The following SNAP23 variants were observed in gnomAD, a reference collection of about 807,000 sequenced individuals.
The protein encoded by SNAP23 is synaptosomal-associated protein 23.
A neutral mutation model predicts 29.0 loss-of-function variants in SNAP23; 11 were observed. That is an observed-to-expected ratio of 0.38 (90% confidence interval 0.24 to 0.63). SNAP23 has a LOEUF of 0.63. Among genes scored for constraint, SNAP23 ranks in the 20% least tolerant of loss-of-function variants. The pLI is 0.58. For missense variants in SNAP23, 220 were observed against 253.9 expected (o/e 0.87, Z 0.91); for synonymous variants, 60 against 82.9 (o/e 0.72, Z 1.50).
intron 1 of SNAP23, among the ~76,000 whole-genome samples, chr15:42,497,861 T>G (rs2057235264): frequency 6.6e-6 from 1 of 152,224 alleles, no homozygotes; most frequent in Admixed American, 6.5e-5. Flanking sequence ...CATTGGTAAA[T>G]GCTCCCATTC....
At chr15:42,521,914 A>C (rs2057452781) in intron 5 of SNAP23, 1 of 369,188 alleles carries the variant, frequency 2.7e-6, no homozygotes, top group Non-Finnish European at 4.8e-6. Context: ...TTGCTAAATA[A>C]CATTTAAGAT....
At chr15:42,497,379 T>G (rs1259994300) in intron 1 of SNAP23, among the ~76,000 whole-genome samples, 1 of 152,020 alleles carries the variant, frequency 6.6e-6, no homozygotes, top group African/African-American at 2.4e-5. Flanking sequence ...TGGCTAATTT[T>G]TGTATTTTTA....
rs1384767600 is a variant in SNAP23 at position 42,495,705 on chromosome 15, G to A, written c.-23G>A. On this transcript the variant is annotated 5_prime_UTR_variant, in exon 1 of 8. Coordinates refer to ENST00000249647, the MANE Select transcript of SNAP23 (RefSeq NM_003825.4). ...GTTGCCGCCGGAGAGGAGTGGCCTCGCCCGCTTGGTGAGTCTCCAGGAGTG... is the reference window on the plus strand; with the variant it reads ...GTTGCCGCCGGAGAGGAGTGGCCTCACCCGCTTGGTGAGTCTCCAGGAGTG... 1 of 152,758 alleles carries A rather than the reference G, an allele frequency of 6.5e-6. No individual in the cohort carries two copies. Among genetic ancestry groups the A allele is most frequent in the African/African-American group, 2.4e-5 (1 of 41,590 alleles). The allele number at this position is 152,758 out of a possible 1,614,324, so 9.5% of individuals were successfully genotyped here. A position where few individuals can be genotyped will look rare whatever the true frequency, so the allele number is the denominator to read the frequency against.
chr15:42,511,523 GC>G (rs1238148641), intron 1 of SNAP23, among the ~76,000 whole-genome samples: 2 of 152,126 alleles, frequency 1.3e-5, no homozygotes, highest in African/African-American at 4.8e-5. Flanking sequence ...GTCTTTTAAT[GC>G]TTGTCTTCCA....
At chr15:42,493,368 A>C (rs1221046036), upstream of SNAP23, among the ~76,000 whole-genome samples, 1 of 151,834 alleles carries the variant, frequency 6.6e-6, no homozygotes, top group African/African-American at 2.4e-5. Context: ...ATATATATAC[A>C]TATATGTGTG....
chr15:42,496,430 C>A (rs550032113), intron 1 of SNAP23, among the ~76,000 whole-genome samples: 103 of 151,822 alleles, frequency 6.8e-4, no homozygotes, highest in Middle Eastern at 3.4e-3. Flanking sequence ...TAAAGAAGTA[C>A]CCAAGGCCGG....
chr15:42,512,580 T>C (rs1302496153), intron 2 of SNAP23, among the ~76,000 whole-genome samples: 1 of 152,098 alleles, frequency 6.6e-6, no homozygotes, highest in African/African-American at 2.4e-5. Context: ...GGTTTCACCT[T>C]GTTGGGCAGG....
chr15:42,510,451 G>T (rs1183465065), intron 1 of SNAP23, among the ~76,000 whole-genome samples: 1 of 152,152 alleles, frequency 6.6e-6, no homozygotes, highest in Non-Finnish European at 1.5e-5. Context: ...TGACTGAAAA[G>T]ATTTATATGT....
intron 5 of SNAP23, among the ~76,000 whole-genome samples, chr15:42,522,384 CTA>C (rs536836388): frequency 1.5e-3 from 223 of 152,266 alleles, no homozygotes; most frequent in African/African-American, 5.0e-3. Flanking sequence ...ACAAAACTAA[CTA>C]ATATTAATTT....
intron 5 of SNAP23, among the ~76,000 whole-genome samples, chr15:42,519,990 A>C (rs2057429851): frequency 6.6e-6 from 1 of 150,648 alleles, no homozygotes; most frequent in Non-Finnish European, 1.5e-5. Context: ...TTTTACATCC[A>C]GGCTACACTA....
intron 5 of SNAP23, among the ~76,000 whole-genome samples, chr15:42,525,367 CAAAAAAA>C (rs1208171591): frequency 3.3e-5 from 2 of 60,386 alleles, no homozygotes; most frequent in Non-Finnish European, 7.1e-5. Context: ...GACTCCGTCT[CAAAAAAA>C]AAAAAAAAAA....
At chr15:42,527,151 T>A (rs1398531004) in intron 5 of SNAP23, among the ~76,000 whole-genome samples, 1 of 152,168 alleles carries the variant, frequency 6.6e-6, no homozygotes. Flanking sequence ...ATCGTTTTTT[T>A]AAAGAGGAAA....
At chr15:42,521,631 G>A (rs1007590282) in intron 5 of SNAP23, 12 of 1,514,838 alleles carry the variant, frequency 7.9e-6, no homozygotes, top group Admixed American at 3.9e-5. Flanking sequence ...ATCAGAAGCC[G>A]GGCTCAGTAA....
intron 4 of SNAP23, among the ~76,000 whole-genome samples, chr15:42,514,462 T>C (rs1348656244): frequency 6.6e-6 from 1 of 152,122 alleles, no homozygotes; most frequent in African/African-American, 2.4e-5. Context: ...CATTGTGATA[T>C]TCTTACATCA....
intron 1 of SNAP23, among the ~76,000 whole-genome samples, chr15:42,500,168 TCCCCCG>T (rs2057256938): frequency 6.9e-6 from 1 of 145,008 alleles, no homozygotes; most frequent in Non-Finnish European, 1.5e-5. Flanking sequence ...ATTCAGGCTT[TCCCCCG>T]CCCCCGCCCC....
intron 5 of SNAP23, among the ~76,000 whole-genome samples, chr15:42,520,152 G>A (rs2141540003): frequency 6.8e-6 from 1 of 146,786 alleles, no homozygotes; most frequent in South Asian, 2.2e-4. Flanking sequence ...CCAGGTTCAA[G>A]TGATTCTGCT....
At chr15:42,513,158 T>G in intron 3 of SNAP23, 162 bp downstream of exon 3, 1 of 761,022 alleles carries the variant, frequency 1.3e-6, no homozygotes, top group Non-Finnish European at 2.3e-6. Flanking sequence ...GAATTTTCTG[T>G]TTTTCCCTTT....
chr15:42,513,141 C>T, intron 3 of SNAP23, 145 bp downstream of exon 3: 2 of 773,118 alleles, frequency 2.6e-6, no homozygotes, highest in Non-Finnish European at 2.3e-6. Context: ...AAACCATGCA[C>T]TAATGGGAAT....
chr15:42,500,639 G>A (rs1056333040), intron 1 of SNAP23, among the ~76,000 whole-genome samples: 2 of 151,848 alleles, frequency 1.3e-5, no homozygotes, highest in Non-Finnish European at 2.9e-5. Flanking sequence ...ATCTGCCTGC[G>A]TTGACCTCCC....
Sources: gnomAD v4.1 joint callset for allele counts (sites outside exome capture counted in the v4.1 genomes callset) on GRCh38, gnomAD v4.1.1 for gene constraint, MANE v1.5 for transcripts, NCBI Gene and HGNC (gene_info 2026-07-23, HGNC 2026-07-21) for gene names.